GSE1: variants seen among roughly 807,000 people sequenced by gnomAD.
GSE1 encodes the protein genetic suppressor element 1.
Under a neutral mutation model 112.6 loss-of-function variants are expected in GSE1, and 32 were observed. The observed-to-expected ratio is 0.28, with a 90% CI of 0.21 to 0.38. The LOEUF (loss-of-function observed/expected upper bound fraction) is 0.38, where lower values mean the gene tolerates loss of function less well. Ranked by LOEUF, GSE1 falls within the 10% of genes least tolerant of loss-of-function variation. The pLI is 1.00. For synonymous variants in GSE1, 1,115 were observed against 735.6 expected (o/e 1.52, Z -8.35); for missense variants, 2,348 against 1,699.2 (o/e 1.38, Z -6.71).
In GSE1 at chr16:85,404,855, A is replaced by AG. The variant is rs1380538804; in HGVS notation, c.2464+47214dup. ...CTGGATAATCCTCACTGTTACTCTC[A>AG]GGCCCCCCTGGATAATCCTCACTGT... On this transcript the variant is annotated intron_variant, in intron 2 of 2. Coordinates refer to the GSE1 transcript ENST00000637419. Among the ~76,000 whole-genome samples the AG allele has an allele frequency of 7.3e-4, 15 of 20,438 alleles. 1 individual carries two copies. Among genetic ancestry groups the AG allele is most frequent in the South Asian group, 3.2e-3 (1 of 310 alleles). 13.4% of individuals were successfully genotyped at this position (20,438 alleles called of 152,430 possible). A position where few individuals can be genotyped will look rare whatever the true frequency, so the allele number is the denominator to read the frequency against.
chr16:85,212,604 A>G (rs926731590), intron 1 of GSE1, among the ~76,000 whole-genome samples: 9 of 152,124 alleles, frequency 5.9e-5, no homozygotes, highest in African/African-American at 2.2e-4. Flanking sequence ...CTGCCCACAC[A>G]TTGACCTTGG....
At chr16:85,354,495 T>C (rs1249868942) in intron 1 of GSE1, among the ~76,000 whole-genome samples, 1 of 152,266 alleles carries the variant, frequency 6.6e-6, no homozygotes, top group Non-Finnish European at 1.5e-5. Context: ...CAGCCGTGTT[T>C]GCTGCCTTCT....
chr16:85,522,622 G>A (rs572864557), intron 2 of GSE1, among the ~76,000 whole-genome samples: 45 of 152,356 alleles, frequency 3.0e-4, no homozygotes, highest in Non-Finnish European at 6.2e-4. Flanking sequence ...TGAGTCACCT[G>A]GCGGTGACAT....
intron 1 of GSE1, among the ~76,000 whole-genome samples, chr16:85,244,453 A>C (rs1905422383): frequency 6.6e-6 from 1 of 152,196 alleles, no homozygotes; most frequent in Non-Finnish European, 1.5e-5. Flanking sequence ...TGACCTCCAG[A>C]TGCATAAGAA....
chr16:85,399,636 G>C (rs1448366381), intron 2 of GSE1, among the ~76,000 whole-genome samples: 2 of 152,164 alleles, frequency 1.3e-5, no homozygotes, highest in Non-Finnish European at 1.5e-5. Context: ...ACCAAGCTTC[G>C]TGTCCTCAGC....
intron 1 of GSE1, among the ~76,000 whole-genome samples, chr16:85,261,788 C>CA (rs1421044294): frequency 1.3e-5 from 2 of 152,308 alleles, no homozygotes; most frequent in South Asian, 2.1e-4. Flanking sequence ...CCCCAGTCTA[C>CA]AGACAAGGAA....
chr16:85,624,557 C>T (rs1056767714), intron 1 of GSE1, among the ~76,000 whole-genome samples: 3 of 152,220 alleles, frequency 2.0e-5, no homozygotes, highest in African/African-American at 4.8e-5. Context: ...CCCCAAGTGA[C>T]GCCAGCCATT....
intron 1 of GSE1, among the ~76,000 whole-genome samples, chr16:85,563,374 T>C (rs776207336): frequency 6.6e-6 from 1 of 152,184 alleles, no homozygotes; most frequent in Non-Finnish European, 1.5e-5. Context: ...TACAAGTCTT[T>C]AGGGGAAAAT....
intron 2 of GSE1, among the ~76,000 whole-genome samples, chr16:85,641,392 G>C (rs1018499130): frequency 9.9e-5 from 15 of 152,240 alleles, no homozygotes; most frequent in Non-Finnish European, 1.5e-4. Context: ...CGTGATGGCA[G>C]GGTGGGCATG....
intron 1 of GSE1, among the ~76,000 whole-genome samples, chr16:85,615,242 C>T (rs531457637): frequency 1.3e-5 from 2 of 152,070 alleles, no homozygotes; most frequent in East Asian, 1.9e-4. Flanking sequence ...CAGGCTCCGA[C>T]GGCGAAGTGT....
intron 1 of GSE1, among the ~76,000 whole-genome samples, chr16:85,342,403 C>T (rs908736261): frequency 3.3e-5 from 5 of 152,164 alleles, no homozygotes; most frequent in Non-Finnish European, 5.9e-5. Context: ...TTAGCTAATG[C>T]CCTGTCAGCG....
At chr16:85,222,313 C>T (rs529830350) in intron 1 of GSE1, among the ~76,000 whole-genome samples, 2 of 152,340 alleles carry the variant, frequency 1.3e-5, no homozygotes, top group South Asian at 4.1e-4. Context: ...GGGGCCAGCG[C>T]ACGGCTCTCC....
intron 1 of GSE1, among the ~76,000 whole-genome samples, chr16:85,600,070 G>A (rs1179696119): frequency 3.9e-5 from 6 of 152,208 alleles, no homozygotes; most frequent in Non-Finnish European, 1.5e-5. Context: ...TCCGAGGGCG[G>A]CTGCGGGTAT....
intron 1 of GSE1, among the ~76,000 whole-genome samples, chr16:85,294,532 G>A (rs1471333223): frequency 2.6e-5 from 4 of 151,936 alleles, no homozygotes; most frequent in Admixed American, 2.6e-4. Flanking sequence ...GTGCCTGACA[G>A]TTTCTCAACA....
chr16:85,252,552 C>G (rs1906605121), intron 1 of GSE1, among the ~76,000 whole-genome samples: 1 of 152,230 alleles, frequency 6.6e-6, no homozygotes, highest in Non-Finnish European at 1.5e-5. Flanking sequence ...TTGAGAAGCT[C>G]AAGTCAGGGT....
intron 2 of GSE1, among the ~76,000 whole-genome samples, chr16:85,517,248 G>C (rs1169239463): frequency 1.3e-5 from 2 of 152,134 alleles, no homozygotes; most frequent in African/African-American, 2.4e-5. Context: ...CTCTGTGGGA[G>C]GCGGGAGGAG....
chr16:85,665,082 C>G lies in GSE1; in HGVS notation c.2712C>G (p.Asp904Glu), dbSNP rs749242170. ...KQKALSAAVA[D>E]SLTNSPRDSP... ...AGGCACTGTCAGCAGCAGTGGCCGA[C>G]TCCTTGACAAACTCTCCGAGGGACA... Residue 904 changes from aspartate to glutamate, a missense_variant, in exon 12 of 16, where the codon GAC (aspartate) becomes GAG (glutamate). Transcript: ENST00000253458. The G allele has an allele frequency of 1.2e-6, 2 of 1,612,422 alleles. No individual in the cohort carries two copies. Among genetic ancestry groups the G allele is most frequent in the Non-Finnish European group, 1.7e-6 (2 of 1,178,794 alleles).
Position 85,620,368 on chromosome 16 carries a change from T to C in GSE1, c.7+6970T>C, listed in dbSNP as rs1484579503. Among the ~76,000 whole-genome samples, 3 of 152,244 alleles carry C rather than the reference T, an allele frequency of 2.0e-5. No homozygotes were observed. The East Asian group carries it at 5.8e-4, about 29-fold the overall frequency. ...TGGATTCTTCCAACTGAATTCCCAG[T>C]GTACATTTATCTTTGAGTGTATTTT... On this transcript the variant is annotated intron_variant, in intron 1 of 15. Transcript: ENST00000253458.
intron 1 of GSE1, among the ~76,000 whole-genome samples, chr16:85,570,764 C>T (rs1445355642): frequency 6.6e-6 from 1 of 152,206 alleles, no homozygotes; most frequent in South Asian, 2.1e-4. Context: ...TGGTGCCAGG[C>T]CCTGGAGGGG....
Sources: allele counts gnomAD v4.1 joint callset (sites outside exome capture counted in the v4.1 genomes callset), GRCh38; gene constraint gnomAD v4.1.1; transcripts MANE v1.5; gene names NCBI Gene and HGNC (gene_info 2026-07-23, HGNC 2026-07-21).